The following MTNAP1 variants were observed in gnomAD, a reference collection of about 807,000 sequenced individuals.
MTNAP1 encodes the protein mitochondrial nucleoid-associated protein 1.
chr17:73,247,015 C>G, the MTNAP1 span, among the ~76,000 whole-genome samples: 3 of 152,108 alleles, frequency 2.0e-5, no homozygotes, highest in African/African-American at 7.2e-5. Context: ...CTTTCCCGGT[C>G]CCCCAGTTCC....
the MTNAP1 span, among the ~76,000 whole-genome samples, chr17:73,238,993 G>C: frequency 6.6e-6 from 1 of 152,040 alleles, no homozygotes; most frequent in Non-Finnish European, 1.5e-5. Flanking sequence ...GCCCAGGTTG[G>C]AGTGCAGTGG....
chr17:73,243,673 TG>T, the MTNAP1 span, among the ~76,000 whole-genome samples: 2 of 151,958 alleles, frequency 1.3e-5, no homozygotes, highest in East Asian at 3.9e-4. Flanking sequence ...GGACTACAGG[TG>T]TGTGTCACCA....
the MTNAP1 span, chr17:73,232,679 C>A: frequency 4.8e-5 from 10 of 208,012 alleles, no homozygotes; most frequent in African/African-American, 1.8e-4. Flanking sequence ...CCCTGGGGGG[C>A]TTGTCGCCGG....
chr17:73,237,034 A>G, the MTNAP1 span: 6 of 1,494,092 alleles, frequency 4.0e-6, no homozygotes, highest in East Asian at 2.3e-5. Context: ...TGTCCCATCC[A>G]AAATGCTCTC....
At chr17:73,243,095 T>TTG in the MTNAP1 span, 172 of 937,012 alleles carry the variant, frequency 1.8e-4, 1 homozygote, top group Admixed American at 5.9e-4. Flanking sequence ...TTTTTTTTTT[T>TTG]TTTTTTACAG....
At chr17:73,245,461 T>C in the MTNAP1 span, 1 of 1,128,744 alleles carries the variant, frequency 8.9e-7, no homozygotes, top group African/African-American at 1.6e-5. Flanking sequence ...TGTTTAACCA[T>C]AAAGTTGTTA....
At chr17:73,247,445 A>G in the MTNAP1 span, 1 of 1,132,868 alleles carries the variant, frequency 8.8e-7, no homozygotes, top group African/African-American at 1.5e-5. Context: ...TAGTGGTAGC[A>G]TTAAGGGATA....
the MTNAP1 span, among the ~76,000 whole-genome samples, chr17:73,243,690 G>A: frequency 6.6e-6 from 1 of 151,830 alleles, no homozygotes; most frequent in Non-Finnish European, 1.5e-5. Context: ...CACCATGCCT[G>A]GCTAACTTTG....
At chr17:73,236,690 T>G in the MTNAP1 span, 1 of 1,614,154 alleles carries the variant, frequency 6.2e-7, no homozygotes, top group Non-Finnish European at 8.5e-7. Flanking sequence ...GTAAAGGCAT[T>G]AATGGAGAGT....
the MTNAP1 span, among the ~76,000 whole-genome samples, chr17:73,233,829 C>T: frequency 1.3e-5 from 2 of 151,766 alleles, no homozygotes; most frequent in African/African-American, 4.8e-5. Context: ...GCCGAGATCG[C>T]GCCACTGCAC....
chr17:73,234,626 G>A, the MTNAP1 span, among the ~76,000 whole-genome samples: 2 of 145,018 alleles, frequency 1.4e-5, no homozygotes, highest in African/African-American at 5.2e-5. Flanking sequence ...GGGAAATGGA[G>A]GTTTCAGTGA....
At chr17:73,248,311 CG>C in the MTNAP1 span, 1 of 604,086 alleles carries the variant, frequency 1.7e-6, no homozygotes, top group Non-Finnish European at 3.0e-6. Flanking sequence ...AGGTGTGAGG[CG>C]GGGTAACTAC....
the MTNAP1 span, among the ~76,000 whole-genome samples, chr17:73,240,476 A>T: frequency 2.0e-5 from 3 of 152,258 alleles, no homozygotes; most frequent in African/African-American, 7.2e-5. Context: ...CTTCAAGGCC[A>T]TATCAATCTA....
chr17:73,248,110 T>TA, the MTNAP1 span: 2 of 215,570 alleles, frequency 9.3e-6, no homozygotes, highest in Non-Finnish European at 1.9e-5. Context: ...CAGGGTGCAA[T>TA]ACTGATGTAA....
At chr17:73,244,766 TGAGTA>T in the MTNAP1 span, 1 of 160,002 alleles carries the variant, frequency 6.2e-6, no homozygotes, top group Non-Finnish European at 1.4e-5. Flanking sequence ...CAGTGCCTAG[TGAGTA>T]GCGGGTAGGT....
chr17:73,248,935 T>C, the MTNAP1 span: 5 of 167,756 alleles, frequency 3.0e-5, no homozygotes, highest in East Asian at 8.8e-4. Flanking sequence ...CTCTTCATAA[T>C]AAAATTATTT....
the MTNAP1 span, among the ~76,000 whole-genome samples, chr17:73,246,269 C>T: frequency 5.3e-5 from 8 of 152,140 alleles, no homozygotes; most frequent in African/African-American, 1.9e-4. Context: ...TGCGGTGGCT[C>T]ACGCCTGTAA....
the MTNAP1 span, chr17:73,236,071 G>A: frequency 6.2e-7 from 1 of 1,614,116 alleles, no homozygotes; most frequent in Non-Finnish European, 8.5e-7. Flanking sequence ...ACCTAATGAT[G>A]TACAAACTAC....
At chr17:73,248,141 T>C in the MTNAP1 span, 1 of 248,982 alleles carries the variant, frequency 4.0e-6, no homozygotes, top group East Asian at 9.7e-5. Flanking sequence ...TGAGGATACA[T>C]TTTTCGCTCA....
Sources: allele counts gnomAD v4.1 joint callset (sites outside exome capture counted in the v4.1 genomes callset), GRCh38; gene constraint gnomAD v4.1.1; transcripts MANE v1.5; gene names NCBI Gene and HGNC (gene_info 2026-07-23, HGNC 2026-07-21).